TRAK1: variants seen among roughly 807,000 people sequenced by gnomAD.
The protein encoded by TRAK1 is trafficking kinesin-binding protein 1.
In TRAK1, 33 loss-of-function variants were observed where a neutral mutation model predicts 92.1. The observed-to-expected ratio is 0.36, with a 90% CI of 0.27 to 0.48. TRAK1 has a LOEUF of 0.48. Among genes scored for constraint, TRAK1 ranks in the 20% least tolerant of loss-of-function variants. The pLI is 0.99. For missense variants in TRAK1, 1,123 were observed against 1,257.9 expected (o/e 0.89, Z 1.62); for synonymous variants, 521 against 517.3 (o/e 1.01, Z -0.10).
intron 1 of TRAK1, among the ~76,000 whole-genome samples, chr3:42,074,023 A>G (rs1433187558): frequency 6.6e-6 from 1 of 152,124 alleles, no homozygotes; most frequent in Non-Finnish European, 1.5e-5. Context: ...GTTTTAAGAG[A>G]GAGTGGACAG....
At chr3:42,143,308 C>CTTTTTTTTTTTTTTT (rs369435084) in intron 2 of TRAK1, among the ~76,000 whole-genome samples, 2 of 139,256 alleles carry the variant, frequency 1.4e-5, no homozygotes, top group Non-Finnish European at 1.5e-5. Flanking sequence ...TGTACCTCTT[C>CTTTTTTTTTTTTTTT]TTTTTTTTTT....
intron 1 of TRAK1, among the ~76,000 whole-genome samples, chr3:42,057,625 C>T (rs1283131836): frequency 6.6e-6 from 1 of 152,026 alleles, no homozygotes; most frequent in East Asian, 1.9e-4. Flanking sequence ...GTTATGTTTG[C>T]TGGTGATGCT....
intron 2 of TRAK1, chr3:42,145,613 T>C (rs578097240): frequency 2.0e-5 from 3 of 153,008 alleles, no homozygotes; most frequent in African/African-American, 7.2e-5. Flanking sequence ...CTCAAAAACA[T>C]GTTGATGTTA....
At chr3:42,024,599 T>G (rs969549004) in intron 1 of TRAK1, among the ~76,000 whole-genome samples, 4 of 152,224 alleles carry the variant, frequency 2.6e-5, no homozygotes, top group Non-Finnish European at 5.9e-5. Context: ...AGCACCATGT[T>G]TTTGTGTGTA....
intron 2 of TRAK1, among the ~76,000 whole-genome samples, chr3:42,169,146 C>CTTT (rs61450430): frequency 6.8e-6 from 1 of 148,076 alleles, no homozygotes; most frequent in African/African-American, 2.5e-5. Flanking sequence ...TTCTTTCTTT[C>CTTT]TTTTTTTTTT....
chr3:42,094,730 G>C (rs1472057564), intron 1 of TRAK1, among the ~76,000 whole-genome samples: 1 of 152,182 alleles, frequency 6.6e-6, no homozygotes, highest in African/African-American at 2.4e-5. Flanking sequence ...CCTGTTCTAG[G>C]TTTCTCTAGA....
chr3:42,093,659 T>C (rs71315521), intron 1 of TRAK1, among the ~76,000 whole-genome samples: 66 of 32,510 alleles, frequency 2.0e-3, no homozygotes, highest in South Asian at 9.1e-3. Flanking sequence ...CCCCTTCCCT[T>C]CCCTTCCCTC....
At chr3:42,105,413 A>C (rs541293249) in intron 1 of TRAK1, among the ~76,000 whole-genome samples, 191 of 152,354 alleles carry the variant, frequency 1.3e-3, no homozygotes, top group African/African-American at 4.4e-3. Flanking sequence ...GGAAGAAAGG[A>C]TATCAGTAAT....
intron 1 of TRAK1, among the ~76,000 whole-genome samples, chr3:42,052,585 G>A (rs1378021639): frequency 6.6e-6 from 1 of 152,116 alleles, no homozygotes; most frequent in Non-Finnish European, 1.5e-5. Flanking sequence ...GGAGCAAAAA[G>A]CATGATTCAG....
intron 1 of TRAK1, among the ~76,000 whole-genome samples, chr3:42,061,514 C>T (rs1045844633): frequency 5.3e-5 from 8 of 151,898 alleles, no homozygotes; most frequent in East Asian, 3.9e-4. Context: ...GCAGGAGATA[C>T]GGGGAAAACA....
intron 2 of TRAK1, among the ~76,000 whole-genome samples, chr3:42,166,044 T>C (rs551265885): frequency 2.0e-5 from 3 of 152,220 alleles, no homozygotes; most frequent in Admixed American, 1.3e-4. Context: ...TAGCAGTGTC[T>C]CTTACCTGAC....
intron 15 of TRAK1, chr3:42,221,917 G>A (rs1710396794): frequency 6.6e-6 from 1 of 151,892 alleles, no homozygotes; most frequent in African/African-American, 2.4e-5. Context: ...CCGCCGTGAC[G>A]ACTTGAGATA....
intron 1 of TRAK1, among the ~76,000 whole-genome samples, chr3:42,046,406 C>G (rs1273142977): frequency 6.6e-6 from 1 of 151,306 alleles, no homozygotes; most frequent in Non-Finnish European, 1.5e-5. Flanking sequence ...CCTTAGGAGG[C>G]CATAACCTGG....
upstream of TRAK1, among the ~76,000 whole-genome samples, chr3:42,084,495 T>C (rs1248437886): frequency 1.3e-5 from 2 of 152,224 alleles, no homozygotes; most frequent in South Asian, 2.1e-4. Flanking sequence ...CATGCACTGA[T>C]TCTAGTCAGC....
chr3:42,068,332 C>G (rs1256779592), intron 1 of TRAK1, among the ~76,000 whole-genome samples: 1 of 151,918 alleles, frequency 6.6e-6, no homozygotes, highest in Non-Finnish European at 1.5e-5. Flanking sequence ...AACTTTTTTT[C>G]TTTTTTAATC....
chr3:42,049,766 A>G (rs1008693082), intron 1 of TRAK1, among the ~76,000 whole-genome samples: 4 of 152,082 alleles, frequency 2.6e-5, no homozygotes, highest in Admixed American at 2.6e-4. Context: ...AGCCCCTCCT[A>G]ACTTTTTTGG....
intron 3 of TRAK1, among the ~76,000 whole-genome samples, chr3:42,179,266 T>C (rs184406147): frequency 2.6e-5 from 4 of 152,364 alleles, no homozygotes; most frequent in Admixed American, 2.6e-4. Flanking sequence ...GGTTAAAGTC[T>C]AACTGTCCCA....
chr3:42,021,971 C>G lies in TRAK1; in HGVS notation c.-519+7854C>G, dbSNP rs528555404. On this transcript the variant is annotated intron_variant, in intron 1 of 16. Transcript: ENST00000487159. Reference sequence around the variant, plus strand: ...CATAATTATTGTTTTTACTGAACTCCTTATGATCCATTCATCCAAAAATAG... The same window carrying G: ...CATAATTATTGTTTTTACTGAACTCGTTATGATCCATTCATCCAAAAATAG... Among the ~76,000 whole-genome samples, 10 of 152,272 alleles carry G rather than the reference C, an allele frequency of 6.6e-5. No individual in the cohort carries two copies. In the South Asian group the frequency reaches 2.1e-3, roughly 32 times the overall value.
At chr3:42,135,985 C>A (rs1697906206) in intron 2 of TRAK1, among the ~76,000 whole-genome samples, 1 of 152,216 alleles carries the variant, frequency 6.6e-6, no homozygotes, top group Non-Finnish European at 1.5e-5. Flanking sequence ...ATGCGCCAGG[C>A]CCTCACCAAT....
Sources: gnomAD v4.1 joint callset for allele counts (sites outside exome capture counted in the v4.1 genomes callset) on GRCh38, gnomAD v4.1.1 for gene constraint, MANE v1.5 for transcripts, NCBI Gene and HGNC (gene_info 2026-07-23, HGNC 2026-07-21) for gene names.